WASF3: variants seen among roughly 807,000 people sequenced by gnomAD.
The protein encoded by WASF3 is WASP family member 3, also known as actin-binding protein WASF3.
WASF3 carries 11 observed loss-of-function variants against 46.6 expected under a neutral mutation model. The ratio of observed to expected loss-of-function variants is 0.24; its 90% CI spans 0.15 to 0.39. The LOEUF is 0.39. Ranked by LOEUF, WASF3 falls within the 10% of genes least tolerant of loss-of-function variation. The pLI is 1.00. For missense variants in WASF3, 576 were observed against 669.8 expected, an observed-to-expected ratio of 0.86 and a Z score of 1.55; for synonymous variants, 242 against 259.7, an observed-to-expected ratio of 0.93 and a Z score of 0.65.
intron 3 of WASF3, among the ~76,000 whole-genome samples, chr13:26,651,196 C>T (rs1882305916): frequency 6.6e-6 from 1 of 152,116 alleles, no homozygotes; most frequent in South Asian, 2.1e-4. Context: ...GTGGTGCATG[C>T]CTGTAGTCTC....
At chr13:26,653,184 C>T (rs1409338041) in intron 3 of WASF3, among the ~76,000 whole-genome samples, 4 of 152,176 alleles carry the variant, frequency 2.6e-5, no homozygotes, top group Non-Finnish European at 5.9e-5. Flanking sequence ...GCTGTCTCCT[C>T]CAACGGAGCA....
rs564509226 is a variant in WASF3 at position 26,610,210 on chromosome 13, C to G, written c.-108-2751C>G. On this transcript the variant is annotated intron_variant, in intron 1 of 9. Coordinates refer to ENST00000335327, the MANE Select transcript of WASF3 (RefSeq NM_006646.6). ...GATTTGTTCCCTTTAAAGAATCCTCCCTTGTCTTAGTTTAGGTCTTCATCA... is the reference window on the plus strand; with the variant it reads ...GATTTGTTCCCTTTAAAGAATCCTCGCTTGTCTTAGTTTAGGTCTTCATCA... Among the ~76,000 whole-genome samples the G allele has an allele frequency of 2.0e-5, 3 of 152,250 alleles. No homozygotes were observed. The South Asian group carries it at 6.2e-4, about 32-fold the overall frequency.
chr13:26,571,174 G>C (rs1879621140), intron 1 of WASF3, among the ~76,000 whole-genome samples: 1 of 151,774 alleles, frequency 6.6e-6, no homozygotes, highest in African/African-American at 2.4e-5. Context: ...CTTTGCCTTA[G>C]GAATAATATT....
intron 1 of WASF3, among the ~76,000 whole-genome samples, chr13:26,602,053 C>T (rs1880657327): frequency 6.6e-6 from 1 of 152,162 alleles, no homozygotes; most frequent in South Asian, 2.1e-4. Context: ...CTTCATCCTC[C>T]CCTTCACATT....
intron 4 of WASF3, among the ~76,000 whole-genome samples, chr13:26,666,198 ATTAG>A (rs1288319981): frequency 2.0e-5 from 3 of 152,234 alleles, no homozygotes; most frequent in African/African-American, 7.2e-5. Context: ...AACAATAAGT[ATTAG>A]TTGGTCTGTT....
At chr13:26,668,980 C>G (rs1882849739) in intron 5 of WASF3, among the ~76,000 whole-genome samples, 1 of 152,102 alleles carries the variant, frequency 6.6e-6, no homozygotes, top group African/African-American at 2.4e-5. Flanking sequence ...TAGGCTTGCT[C>G]ATGAAAACTT....
chr13:26,620,440 GATTT>G (rs764584903), intron 2 of WASF3: 3 of 152,134 alleles, frequency 2.0e-5, no homozygotes, highest in Non-Finnish European at 2.9e-5. Flanking sequence ...GGAATTTAGT[GATTT>G]ATTTAACTTT....
At chr13:26,650,140 T>G (rs1882271856) in intron 3 of WASF3, among the ~76,000 whole-genome samples, 1 of 152,100 alleles carries the variant, frequency 6.6e-6, no homozygotes, top group South Asian at 2.1e-4. Context: ...CAACAGAGCC[T>G]AACAGACTGA....
chr13:26,685,296 C>G (rs773350125), intron 9 of WASF3, among the ~76,000 whole-genome samples: 4 of 152,034 alleles, frequency 2.6e-5, no homozygotes, highest in Non-Finnish European at 4.4e-5. Context: ...AGTAGATGTC[C>G]TGTGGTGATA....
intron 1 of WASF3, among the ~76,000 whole-genome samples, chr13:26,567,699 A>T (rs200516385): frequency 2.1e-5 from 1 of 46,884 alleles, no homozygotes; most frequent in East Asian, 1.1e-3. Flanking sequence ...AAACGACATT[A>T]AAAAAAAAAT....
intron 1 of WASF3, among the ~76,000 whole-genome samples, chr13:26,563,725 A>G (rs927475734): frequency 6.6e-6 from 1 of 151,058 alleles, no homozygotes; most frequent in South Asian, 2.1e-4. Context: ...TTTGGAGCCA[A>G]AGATGCTTCT....
At chr13:26,600,661 T>G (rs1472435472) in intron 1 of WASF3, among the ~76,000 whole-genome samples, 1 of 152,246 alleles carries the variant, frequency 6.6e-6, no homozygotes. Context: ...GTCTCCGTTC[T>G]GCTGTTGGTT....
rs932355386 is a variant in WASF3, at chr13:26,685,976, C to T, written c.*131C>T. 16 of 1,285,042 alleles carry T rather than the reference C, an allele frequency of 1.2e-5. No homozygotes were observed. The highest frequency in any genetic ancestry group is 1.6e-5 in the South Asian group (1 of 61,204). The allele number at this position is 1,285,042 out of a possible 1,614,324, so 79.6% of individuals were successfully genotyped here. On this transcript the variant is annotated 3_prime_UTR_variant, in exon 10 of 10. Transcript: ENST00000335327. ...TAAACAATGTGATATTGCTTCTGCA[C>T]ATCCAAAAATTCTGGGTCTTTTCAG...
intron 1 of WASF3, among the ~76,000 whole-genome samples, chr13:26,571,768 T>A (rs188891253): frequency 3.0e-4 from 46 of 152,356 alleles, no homozygotes; most frequent in Admixed American, 5.9e-4. Context: ...TAAAAAGCTG[T>A]GTAATTTTTA....
At chr13:26,554,568 A>G (rs1297456045), upstream of WASF3, among the ~76,000 whole-genome samples, 1 of 152,216 alleles carries the variant, frequency 6.6e-6, no homozygotes, top group East Asian at 1.9e-4. Context: ...ATTTTAAGAA[A>G]CGAAACTTTC....
chr13:26,654,811 G>A (rs770416838), intron 3 of WASF3, among the ~76,000 whole-genome samples: 4 of 151,888 alleles, frequency 2.6e-5, no homozygotes, highest in Non-Finnish European at 5.9e-5. Flanking sequence ...TTTTCCTACC[G>A]TTTACTTTCC....
intron 1 of WASF3, among the ~76,000 whole-genome samples, chr13:26,602,449 A>T (rs1034893724): frequency 3.3e-5 from 5 of 152,120 alleles, no homozygotes; most frequent in African/African-American, 1.2e-4. Flanking sequence ...TTGTGGCATG[A>T]TGGTGGGCCA....
intron 1 of WASF3, among the ~76,000 whole-genome samples, chr13:26,600,828 TC>T (rs1439552841): frequency 2.0e-5 from 3 of 152,216 alleles, no homozygotes; most frequent in Non-Finnish European, 4.4e-5. Context: ...TAATGTCTCT[TC>T]CCTACACACC....
the WASF3 span, among the ~76,000 whole-genome samples, chr13:26,541,464 C>T: frequency 6.6e-6 from 1 of 152,116 alleles, no homozygotes; most frequent in African/African-American, 2.4e-5. Flanking sequence ...ATTCTGAGGA[C>T]TAAATGGATC....
Sources: gnomAD v4.1 joint callset for allele counts (sites outside exome capture counted in the v4.1 genomes callset) on GRCh38, gnomAD v4.1.1 for gene constraint, MANE v1.5 for transcripts, NCBI Gene and HGNC (gene_info 2026-07-23, HGNC 2026-07-21) for gene names.